FHIP2A: variants seen among roughly 807,000 people sequenced by gnomAD.
The protein encoded by FHIP2A is family with sequence similarity 160 member B1.
A neutral mutation model predicts 93.5 loss-of-function variants in FHIP2A; 46 were observed. That is an observed-to-expected ratio of 0.49 (90% CI 0.39 to 0.63). The LOEUF is 0.63. Ranked by LOEUF, FHIP2A falls within the 20% of genes least tolerant of loss-of-function variation. FHIP2A has a pLI of 0.00. For missense variants in FHIP2A, 769 were observed against 909.7 expected (o/e 0.85, Z 1.99); for synonymous variants, 332 against 326.5 (o/e 1.02, Z -0.18).
At chr10:114,875,924 GA>G (rs1467448892) in intron 16 of FHIP2A, among the ~76,000 whole-genome samples, 1 of 146,728 alleles carries the variant, frequency 6.8e-6, no homozygotes, top group African/African-American at 2.5e-5. Flanking sequence ...AAGAAAGAAA[GA>G]AAGAAAGAGA....
chr10:114,828,336 T>C (rs1484874377), intron 1 of FHIP2A, among the ~76,000 whole-genome samples: 2 of 152,172 alleles, frequency 1.3e-5, no homozygotes, highest in East Asian at 3.9e-4. Flanking sequence ...GAGAATACAG[T>C]TTCAATTCCC....
chr10:114,885,988 G>A (rs997878335), intron 16 of FHIP2A, among the ~76,000 whole-genome samples: 5 of 152,282 alleles, frequency 3.3e-5, no homozygotes, highest in South Asian at 2.1e-4. Context: ...CCCTTAAAGC[G>A]GCTTCTCAGG....
downstream of FHIP2A, among the ~76,000 whole-genome samples, chr10:114,869,561 A>T (rs1001116268): frequency 4.6e-5 from 7 of 152,206 alleles, no homozygotes; most frequent in Non-Finnish European, 8.8e-5. Flanking sequence ...CTACTTTTAA[A>T]ATAAAATATT....
chr10:114,872,727 T>G (rs765892417), intron 16 of FHIP2A, among the ~76,000 whole-genome samples: 1 of 152,222 alleles, frequency 6.6e-6, no homozygotes, highest in Non-Finnish European at 1.5e-5. Flanking sequence ...GCATTTCATC[T>G]CAATCAATCA....
At position 114,833,228 on chromosome 10, in the gene FHIP2A, T is replaced by A; in HGVS notation, c.125-5T>A. 4 of 1,598,148 alleles carry A rather than the reference T, an allele frequency of 2.5e-6. No homozygotes were observed. Among genetic ancestry groups the A allele is most frequent in the Non-Finnish European group, 3.4e-6 (4 of 1,172,066 alleles). On this transcript the variant is annotated splice_polypyrimidine_tract_variant and splice_region_variant and intron_variant, in intron 2 of 16. Coordinates refer to ENST00000369248, the MANE Select transcript of FHIP2A (RefSeq NM_020940.4). The stretch of plus-strand genomic sequence containing the variant: ...AATATTTGATGAATGTTTTTTATTG[T>A]TTAGATGATAAAGCCCCAGTGACCG...
chr10:114,881,821 A>G (rs2083918623), intron 16 of FHIP2A, among the ~76,000 whole-genome samples: 2 of 152,264 alleles, frequency 1.3e-5, no homozygotes, highest in East Asian at 1.9e-4. Context: ...CCTACCCTCA[A>G]TTTCTCCTGG....
chr10:114,875,055 C>G (rs2083877533), intron 16 of FHIP2A, among the ~76,000 whole-genome samples: 1 of 152,268 alleles, frequency 6.6e-6, no homozygotes, highest in African/African-American at 2.4e-5. Flanking sequence ...TTCCTGTTTC[C>G]GAAGCTTGCT....
intron 16 of FHIP2A, among the ~76,000 whole-genome samples, chr10:114,896,682 G>A (rs182543183): frequency 6.0e-4 from 92 of 152,264 alleles, no homozygotes; most frequent in African/African-American, 2.1e-3. Flanking sequence ...TTTCCAGACC[G>A]AACCAATGTA....
intron 16 of FHIP2A, among the ~76,000 whole-genome samples, chr10:114,880,899 A>G (rs1259641387): frequency 6.6e-6 from 1 of 152,222 alleles, no homozygotes; most frequent in Non-Finnish European, 1.5e-5. Flanking sequence ...TATCAGTCCA[A>G]CTTCCTTGTA....
intron 16 of FHIP2A, among the ~76,000 whole-genome samples, chr10:114,869,919 TAGTC>T (rs1389358099): frequency 5.3e-5 from 8 of 152,222 alleles, no homozygotes; most frequent in Admixed American, 1.3e-4. Context: ...TCAAAGAAAT[TAGTC>T]AGAAATTGCT....
At chr10:114,847,292 G>C in intron 12 of FHIP2A, 59 bp downstream of exon 12, 1 of 1,497,154 alleles carries the variant, frequency 6.7e-7, no homozygotes, top group Non-Finnish European at 9.1e-7. Flanking sequence ...TTGTTTATTA[G>C]TATTATTATT....
intron 13 of FHIP2A, among the ~76,000 whole-genome samples, chr10:114,852,858 A>G (rs2083744921): frequency 1.3e-5 from 2 of 152,234 alleles, no homozygotes; most frequent in African/African-American, 4.8e-5. Flanking sequence ...CTATCCAAAT[A>G]TAACATTTAC....
At position 114,877,700 on chromosome 10, in the gene FHIP2A, T is replaced by C. The variant is rs549903259; in HGVS notation, c.2192+16366T>C. Reference sequence around the variant, plus strand: ...AGGGAAAATTTATGGGAGAAAATTTTAATTTTAGACAATTCTATCATGTTT... The same window carrying C: ...AGGGAAAATTTATGGGAGAAAATTTCAATTTTAGACAATTCTATCATGTTT... On this transcript the variant is annotated intron_variant, in intron 16 of 16. Coordinates refer to the FHIP2A transcript ENST00000369250. Among the ~76,000 whole-genome samples the C allele has an allele frequency of 6.6e-4, 100 of 152,336 alleles. 3 individuals are homozygous for C. The South Asian group carries it at 0.02, about 31-fold the overall frequency.
Position 114,859,485 on chromosome 10 carries a change from T to C in FHIP2A, c.1948-1264T>C, listed in dbSNP as rs575424890. Reference sequence around the variant, plus strand: ...TGTTGCACTTGGTCCTGACTCCCTCTTCCCTCCACTGTGCTGCAGTGTCTG... The same window carrying C: ...TGTTGCACTTGGTCCTGACTCCCTCCTCCCTCCACTGTGCTGCAGTGTCTG... On this transcript the variant is annotated intron_variant, in intron 14 of 16. Coordinates refer to ENST00000369248, the MANE Select transcript of FHIP2A (RefSeq NM_020940.4). 2.0e-5 allele frequency among the ~76,000 whole-genome samples: 3 copies of C among 152,340 alleles called. No individual in the cohort carries two copies. In the South Asian group the frequency reaches 6.2e-4, roughly 32 times the overall value.
intron 16 of FHIP2A, among the ~76,000 whole-genome samples, chr10:114,886,202 G>T (rs1455560974): frequency 6.6e-6 from 1 of 152,094 alleles, no homozygotes; most frequent in South Asian, 2.1e-4. Context: ...CTATGAGATG[G>T]TTACTATTAT....
chr10:114,833,339 A>G lies in FHIP2A; in HGVS notation c.231A>G (p.Pro77=). The part of the protein sequence containing the change: ...ENERESGETG[P]CMEYLLHHKI... ...AACGGGAATCTGGAGAGACAGGGCCATGTATGGAATATTTGCTTCATCACA... is the reference window on the plus strand; with the variant it reads ...AACGGGAATCTGGAGAGACAGGGCCGTGTATGGAATATTTGCTTCATCACA... The change falls in exon 3 of 17, where the codon CCA becomes CCG. Residue 77 remains proline (P), a synonymous_variant. Transcript: ENST00000369248. The G allele has an allele frequency of 6.2e-7, 1 of 1,614,112 alleles. No individual in the cohort carries two copies. The highest frequency in any genetic ancestry group is 8.5e-7 in the Non-Finnish European group (1 of 1,179,968).
At position 114,863,683 on chromosome 10, in the gene FHIP2A, A is replaced by T; in HGVS notation, c.*2143A>T. On this transcript the variant is annotated 3_prime_UTR_variant, in exon 17 of 17. Transcript: ENST00000369248. ...AGAGCCAGTAGAAGCTCTCACAGTG[A>T]GTTCAATTTGTTAGTGAAACATTGT... The T allele has an allele frequency of 7.7e-7, 1 of 1,302,474 alleles. No homozygotes were observed. Among genetic ancestry groups the T allele is most frequent in the South Asian group, 1.2e-5 (1 of 80,596 alleles). 80.7% of individuals were successfully genotyped at this position (1,302,474 alleles called of 1,614,324 possible).
intron 13 of FHIP2A, among the ~76,000 whole-genome samples, chr10:114,850,351 A>G (rs1343158987): frequency 6.6e-6 from 1 of 152,130 alleles, no homozygotes; most frequent in Non-Finnish European, 1.5e-5. Flanking sequence ...TTTCCTTATG[A>G]CTAATGATGT....
In FHIP2A at chr10:114,863,034, A is replaced by G. The variant is rs2083809586; in HGVS notation, c.*1494A>G. On this transcript the variant is annotated 3_prime_UTR_variant, in exon 17 of 17. Transcript: ENST00000369248. ...TTTGTTCTTGCTATTTATTAAGAAC[A>G]GAATATCAAAAGATTATGAATAGCC... The G allele has an allele frequency of 2.0e-6, 2 of 985,334 alleles. No homozygotes were observed. Among genetic ancestry groups the G allele is most frequent in the Admixed American group, 6.1e-5 (1 of 16,286 alleles). 61.0% of individuals were successfully genotyped at this position (985,334 alleles called of 1,614,324 possible).
Sources: gnomAD v4.1 joint callset for allele counts (sites outside exome capture counted in the v4.1 genomes callset) on GRCh38, gnomAD v4.1.1 for gene constraint, MANE v1.5 for transcripts, NCBI Gene and HGNC (gene_info 2026-07-23, HGNC 2026-07-21) for gene names.